VASH2: variants seen among roughly 807,000 people sequenced by gnomAD.
VASH2 encodes tubulinyl-Tyr carboxypeptidase 2.
Under a neutral mutation model 37.2 loss-of-function variants are expected in VASH2, and 28 were observed. The observed-to-expected ratio is 0.75, with a 90% confidence interval of 0.56 to 1.03. The LOEUF (loss-of-function observed/expected upper bound fraction) is 1.03, where lower values mean the gene tolerates loss of function less well. VASH2 is among the 50% of genes least tolerant of loss of function. The pLI, the probability that VASH2 is intolerant of heterozygous loss-of-function variation, is 0.00. For synonymous variants in VASH2, 188 were observed against 174.7 expected (o/e 1.08, Z -0.60); for missense variants, 419 against 459.1 (o/e 0.91, Z 0.80).
At chr1:212,957,920 A>G (rs1666547271) in intron 2 of VASH2, among the ~76,000 whole-genome samples, 1 of 152,184 alleles carries the variant, frequency 6.6e-6, no homozygotes, top group African/African-American at 2.4e-5. Context: ...ACACTTAATG[A>G]GCACCATATG....
At chr1:212,964,076 G>T (rs1269281849) in intron 3 of VASH2, among the ~76,000 whole-genome samples, 1 of 152,154 alleles carries the variant, frequency 6.6e-6, no homozygotes, top group African/African-American at 2.4e-5. Flanking sequence ...TCTCAAACTG[G>T]TGATCTTGGG....
intron 7 of VASH2, 105 bp from the exon 8 acceptor site, chr1:212,988,407 A>C (rs1458117783): frequency 8.5e-7 from 1 of 1,181,918 alleles, no homozygotes; most frequent in African/African-American, 1.5e-5. Flanking sequence ...GGATGAGACA[A>C]ATATCAGAAG....
intron 7 of VASH2, among the ~76,000 whole-genome samples, chr1:212,979,696 C>T (rs188217310): frequency 2.0e-4 from 30 of 152,304 alleles, no homozygotes; most frequent in African/African-American, 6.0e-4. Context: ...AAGATGACTG[C>T]GTAGCATCCG....
rs376572730 is a variant in VASH2, at chr1:212,989,578, G to A, written c.*994G>A. 9 of 152,266 alleles carry A rather than the reference G, an allele frequency of 5.9e-5. No homozygotes were observed. In the East Asian group the frequency reaches 7.7e-4, roughly 13 times the overall value. 9.4% of individuals were successfully genotyped at this position (152,266 alleles called of 1,614,324 possible). On this transcript the variant is annotated 3_prime_UTR_variant, in exon 8 of 8. Transcript: ENST00000517399. ...TGAAGGATGCCAAGAATCAAACTAAGGGAGGACTCACTGTTAAAGATGTGT... is the reference window on the plus strand; with the variant it reads ...TGAAGGATGCCAAGAATCAAACTAAAGGAGGACTCACTGTTAAAGATGTGT...
chr1:212,964,153 A>G (rs1352848010), intron 3 of VASH2, among the ~76,000 whole-genome samples: 1 of 152,168 alleles, frequency 6.6e-6, no homozygotes, highest in East Asian at 1.9e-4. Context: ...TCTGAGTAGC[A>G]TCTGGGGTTA....
chr1:212,973,694 T>C, intron 6 of VASH2: 1 of 1,274,540 alleles, frequency 7.8e-7, no homozygotes, highest in Non-Finnish European at 1.0e-6. Context: ...TGGGCTGTGT[T>C]CCTCTCTCTA....
At chr1:212,955,611 TC>T (rs1352699967) in intron 2 of VASH2, among the ~76,000 whole-genome samples, 1 of 152,194 alleles carries the variant, frequency 6.6e-6, no homozygotes, top group African/African-American at 2.4e-5. Context: ...AACTGGACTC[TC>T]CTTGGGGCAG....
chr1:212,956,403 C>T (rs1572057411), intron 2 of VASH2, among the ~76,000 whole-genome samples: 2 of 152,200 alleles, frequency 1.3e-5, no homozygotes, highest in Admixed American at 6.5e-5. Context: ...AGGTTGGTTT[C>T]GATCTGTTTC....
intron 3 of VASH2, among the ~76,000 whole-genome samples, chr1:212,965,226 T>C (rs1666804291): frequency 6.6e-6 from 1 of 152,174 alleles, no homozygotes; most frequent in Non-Finnish European, 1.5e-5. Flanking sequence ...TTCTGCCAGG[T>C]TTTATGGGTG....
chr1:212,986,661 A>C (rs1328769451), intron 7 of VASH2, among the ~76,000 whole-genome samples: 1 of 152,166 alleles, frequency 6.6e-6, no homozygotes, highest in East Asian at 1.9e-4. Context: ...GTTTAAGGGA[A>C]TAGCTAATCT....
chr1:212,988,756 C>A lies in VASH2; in HGVS notation c.*172C>A. On this transcript the variant is annotated 3_prime_UTR_variant, in exon 8 of 8. Transcript: ENST00000517399. ...GTAACCATTAGCTTTAAAAAATTCA[C>A]TAAAAGGCACCATGAAAAGGCTGAA... The A allele has an allele frequency of 1.4e-6, 1 of 689,702 alleles. No homozygotes were observed. Among genetic ancestry groups the A allele is most frequent in the Non-Finnish European group, 2.4e-6 (1 of 410,116 alleles). The allele number at this position is 689,702 out of a possible 1,614,324, so 42.7% of individuals were successfully genotyped here. A position where few individuals can be genotyped will look rare whatever the true frequency, so the allele number is the denominator to read the frequency against.
At position 212,951,907 on chromosome 1, in the gene VASH2, A is replaced by G. The variant is rs1666324093; in HGVS notation, c.276+89A>G. 4.2e-6 allele frequency: 6 copies of G among 1,422,180 alleles called. No individual in the cohort carries two copies. The highest frequency in any genetic ancestry group is 5.7e-6 in the Non-Finnish European group (6 of 1,059,770). 88.1% of individuals were successfully genotyped at this position (1,422,180 alleles called of 1,614,324 possible). On this transcript the variant is annotated intron_variant, in intron 2 of 7. Coordinates refer to ENST00000517399, the MANE Select transcript of VASH2 (RefSeq NM_001301056.2). The surrounding 1 kb of genome is among the most constrained non-coding windows in gnomAD (Gnocchi z 4.4). ...AGCCTATACATAGCAAACACAGGCA[A>G]TCTCCATTTTCCTAGTCCTGCTACA...
At chr1:212,963,494 C>G (rs1399552638) in intron 3 of VASH2, among the ~76,000 whole-genome samples, 3 of 152,140 alleles carry the variant, frequency 2.0e-5, no homozygotes, top group Non-Finnish European at 2.9e-5. Context: ...TGTGAATGTG[C>G]TCAGCTGGCG....
intron 3 of VASH2, among the ~76,000 whole-genome samples, chr1:212,964,240 G>A (rs1490116092): frequency 3.3e-5 from 5 of 152,178 alleles, no homozygotes; most frequent in Admixed American, 6.5e-5. Context: ...AAGGGGTTAC[G>A]TGTGCTCGTG....
chr1:212,961,758 A>G (rs959811340), intron 3 of VASH2, among the ~76,000 whole-genome samples: 7 of 152,122 alleles, frequency 4.6e-5, no homozygotes, highest in Non-Finnish European at 1.0e-4. Flanking sequence ...ATCCGCCACC[A>G]CACCTGACTA....
intron 7 of VASH2, 142 bp downstream of exon 7, chr1:212,974,212 G>A: frequency 8.9e-7 from 1 of 1,126,096 alleles, no homozygotes; most frequent in Non-Finnish European, 1.2e-6. Flanking sequence ...CCTCATTCAG[G>A]GGACATCTGT....
chr1:212,973,332 G>A, intron 6 of VASH2: 7 of 1,225,556 alleles, frequency 5.7e-6, no homozygotes, highest in Non-Finnish European at 7.5e-6. Context: ...CTTATATGCT[G>A]GCCTTATATA....
intron 7 of VASH2, among the ~76,000 whole-genome samples, chr1:212,982,145 G>A (rs540499069): frequency 2.0e-5 from 3 of 152,326 alleles, no homozygotes; most frequent in Admixed American, 2.0e-4. Context: ...ACCTGTCATT[G>A]GGGTTAAGTG....
chr1:212,966,389 G>A (rs960694350), intron 5 of VASH2, 44 bp downstream of exon 5: 32 of 1,510,226 alleles, frequency 2.1e-5, no homozygotes, highest in East Asian at 7.4e-5. Flanking sequence ...CATAAATGGC[G>A]GCTTCACAAT....
Sources: gnomAD v4.1 joint callset for allele counts (sites outside exome capture counted in the v4.1 genomes callset) on GRCh38, gnomAD v4.1.1 for gene constraint, Gnocchi (gnomAD v3.1) non-coding constraint, MANE v1.5 for transcripts, NCBI Gene and HGNC (gene_info 2026-07-23, HGNC 2026-07-21) for gene names.